Variants in NBL1 observed in about 807,000 individuals in gnomAD.
NBL1 encodes the protein NBL1, DAN family BMP antagonist, also known as neuroblastoma suppressor of tumorigenicity 1.
NBL1 carries 9 observed loss-of-function variants against 16.0 expected under a neutral mutation model. The observed-to-expected ratio is 0.56, with a 90% CI of 0.34 to 0.98. NBL1 has a LOEUF of 0.98. Among genes scored for constraint, NBL1 ranks in the 50% least tolerant of loss-of-function variants. NBL1 has a pLI of 0.02. For synonymous variants in NBL1, 86 were observed against 100.7 expected, an observed-to-expected ratio of 0.85 and a Z score of 0.87; for missense variants, 196 against 243.1, an observed-to-expected ratio of 0.81 and a Z score of 1.29.
At chr1:19,647,747 AGATGG>A in intron 1 of NBL1, 40 of 855,762 alleles carry the variant, frequency 4.7e-5, no homozygotes, top group Non-Finnish European at 5.6e-5. Flanking sequence ...CAGGAGGTGA[AGATGG>A]GGAGGGAGAG....
chr1:19,654,936 G>A (rs78065427), intron 1 of NBL1, 76 bp from the exon 2 acceptor site: 21,338 of 1,461,110 alleles, frequency 0.015, 207 homozygotes, highest in East Asian at 0.027. Context: ...TCGGATGCCA[G>A]AGTCCATGCT....
upstream of NBL1, chr1:19,643,461 C>T: frequency 1.3e-6 from 2 of 1,599,090 alleles, no homozygotes; most frequent in Non-Finnish European, 1.7e-6. The surrounding 1 kb of genome is among the most constrained non-coding windows in gnomAD (Gnocchi z 4.7). Context: ...GTCCCTGGGC[C>T]ACCACTTTCC....
chr1:19,644,393 C>A lies in NBL1; in HGVS notation c.-73C>A. 1.0e-6 allele frequency: 1 copy of A among 978,806 alleles called. No homozygotes were observed. Among genetic ancestry groups the A allele is most frequent in the Non-Finnish European group, 1.2e-6 (1 of 827,240 alleles). 60.6% of individuals were successfully genotyped at this position (978,806 alleles called of 1,614,324 possible). A position where few individuals can be genotyped will look rare whatever the true frequency, so the allele number is the denominator to read the frequency against. On this transcript the variant is annotated 5_prime_UTR_variant, in exon 1 of 4. Transcript: ENST00000375136. This position sits in a 1 kb window ranked among gnomAD's most constrained non-coding sequence, Gnocchi z 4.6. ...GGCCGCCTCGCCGAGCCTCCTGGGG[C>A]GCCCGGGCCCGCGACCCCCGCACCC...
chr1:19,646,946 G>C lies in NBL1; in HGVS notation c.-20+2500G>C, dbSNP rs7522407. On this transcript the variant is annotated intron_variant, in intron 1 of 3. Transcript: ENST00000375136. Reference sequence around the variant, plus strand: ...GACTGAAATAGCCTCAGGACCTGCCGAGGATCCTGTGGGAGCGAGGGGCAG... The same window carrying C: ...GACTGAAATAGCCTCAGGACCTGCCCAGGATCCTGTGGGAGCGAGGGGCAG... 9.8e-3 allele frequency among the ~76,000 whole-genome samples: 1,497 copies of C among 152,308 alleles called. 16 individuals are homozygous for C. The highest frequency in any genetic ancestry group is 0.034 in the African/African-American group (1,425 of 41,556).
intron 1 of NBL1, among the ~76,000 whole-genome samples, chr1:19,654,637 G>A (rs897465309): frequency 4.6e-5 from 7 of 151,780 alleles, no homozygotes; most frequent in Non-Finnish European, 7.4e-5. Flanking sequence ...CTTCGTAATC[G>A]CAATCCTGTG....
At chr1:19,655,460 C>G in intron 3 of NBL1, 25 bp downstream of exon 3, 1 of 1,611,800 alleles carries the variant, frequency 6.2e-7, no homozygotes, top group South Asian at 1.1e-5. Flanking sequence ...CCTGCCCCAC[C>G]CAGTCTCGGC....
chr1:19,645,176 A>T (rs1224812990), intron 1 of NBL1, among the ~76,000 whole-genome samples: 1 of 151,876 alleles, frequency 6.6e-6, no homozygotes, highest in Non-Finnish European at 1.5e-5. Flanking sequence ...GGGTGCGGCA[A>T]ACCCTCCCCC....
upstream of NBL1, chr1:19,643,408 T>G: frequency 6.2e-7 from 1 of 1,613,446 alleles, no homozygotes; most frequent in East Asian, 2.2e-5. This position sits in a 1 kb window ranked among gnomAD's most constrained non-coding sequence, Gnocchi z 4.7. Context: ...GTAACTATGC[T>G]GTAAAGCAAA....
At chr1:19,643,627 T>G, upstream of NBL1, 1 of 1,345,896 alleles carries the variant, frequency 7.4e-7, no homozygotes, top group Non-Finnish European at 9.6e-7. This position sits in a 1 kb window ranked among gnomAD's most constrained non-coding sequence, Gnocchi z 4.7. Context: ...GTCAGAGAAG[T>G]GAGTTCATTT....
intron 1 of NBL1, among the ~76,000 whole-genome samples, chr1:19,651,407 G>A (rs1466730867): frequency 6.6e-6 from 1 of 152,194 alleles, no homozygotes; most frequent in Non-Finnish European, 1.5e-5. Flanking sequence ...TAAGGAGGGG[G>A]CCTTCTGCCT....
chr1:19,646,041 G>A, intron 1 of NBL1: 1 of 1,550,766 alleles, frequency 6.4e-7, no homozygotes, highest in Non-Finnish European at 8.7e-7. Context: ...GCGGTAAGGA[G>A]GGCCGTGGCC....
upstream of NBL1, chr1:19,643,843 CG>C (rs1480258324): frequency 9.1e-6 from 9 of 990,642 alleles, no homozygotes; most frequent in African/African-American, 1.7e-5. This position sits in a 1 kb window ranked among gnomAD's most constrained non-coding sequence, Gnocchi z 4.7. Flanking sequence ...CGGGACGCGG[CG>C]GGCTGGGGCG....
chr1:19,645,331 C>T, intron 1 of NBL1: 1 of 984,482 alleles, frequency 1.0e-6, no homozygotes, highest in Non-Finnish European at 1.2e-6. Context: ...CTGCTGCGGG[C>T]CACCTGCCCG....
At chr1:19,645,592 C>T in intron 1 of NBL1, 1 of 1,037,564 alleles carries the variant, frequency 9.6e-7, no homozygotes, top group South Asian at 3.6e-5. Context: ...CAAGGAGCCC[C>T]TCACCCTTTG....
intron 1 of NBL1, among the ~76,000 whole-genome samples, chr1:19,650,046 C>A (rs964152551): frequency 2.0e-5 from 3 of 151,724 alleles, no homozygotes; most frequent in African/African-American, 7.3e-5. Context: ...GTGATCTCGG[C>A]TCACTGCAAG....
intron 1 of NBL1, among the ~76,000 whole-genome samples, chr1:19,646,653 C>T (rs1570545734): frequency 6.6e-6 from 1 of 152,168 alleles, no homozygotes; most frequent in South Asian, 2.1e-4. Context: ...AGCCACCCTC[C>T]ACACCCTCTG....
chr1:19,655,282 T>C, intron 2 of NBL1, 42 bp from the exon 3 acceptor site: 1 of 1,612,828 alleles, frequency 6.2e-7, no homozygotes, highest in South Asian at 1.1e-5. Context: ...CATCCCTGCC[T>C]CCCCAACAGT....
upstream of NBL1, chr1:19,643,400 A>G: frequency 6.2e-7 from 1 of 1,613,658 alleles, no homozygotes; most frequent in African/African-American, 1.3e-5. This position sits in a 1 kb window ranked among gnomAD's most constrained non-coding sequence, Gnocchi z 4.7. Context: ...GGACACAGGT[A>G]ACTATGCTGT....
At position 19,645,405 on chromosome 1, in the gene NBL1, G is replaced by T. The variant is rs374282010; in HGVS notation, c.-20+959G>T. ...GCGGCGGCAAAGGGGGCAGCCGCCT[G>T]CCTTGGCGTGGCCGGAGGTTGGCGG... On this transcript the variant is annotated intron_variant, in intron 1 of 3. Transcript: ENST00000375136. 224 of 987,396 alleles carry T rather than the reference G, an allele frequency of 2.3e-4. 3 individuals are homozygous for T. The South Asian group carries it at 8.4e-3, about 37-fold the overall frequency. The allele number at this position is 987,396 out of a possible 1,614,324, so 61.2% of individuals were successfully genotyped here.
Sources: gnomAD v4.1 joint callset for allele counts (sites outside exome capture counted in the v4.1 genomes callset) on GRCh38, gnomAD v4.1.1 for gene constraint, Gnocchi (gnomAD v3.1) non-coding constraint, MANE v1.5 for transcripts, NCBI Gene and HGNC (gene_info 2026-07-23, HGNC 2026-07-21) for gene names.